SPRED1: variants seen among roughly 807,000 people sequenced by gnomAD.
SPRED1 encodes sprouty-related, EVH1 domain-containing protein 1.
Under a neutral mutation model 52.3 loss-of-function variants are expected in SPRED1, and 18 were observed. The observed-to-expected ratio is 0.34, with a 90% CI of 0.24 to 0.51. The LOEUF is 0.51. Among genes scored for constraint, SPRED1 ranks in the 20% least tolerant of loss-of-function variants. SPRED1 has a pLI of 0.97. For synonymous variants in SPRED1, 155 were observed against 179.7 expected, an observed-to-expected ratio of 0.86 and a Z score of 1.10; for missense variants, 485 against 551.0, an observed-to-expected ratio of 0.88 and a Z score of 1.20.
intron 5 of SPRED1, among the ~76,000 whole-genome samples, chr15:38,349,130 A>G (rs1896200237): frequency 6.6e-6 from 1 of 151,690 alleles, no homozygotes. Context: ...ATAATATTCC[A>G]CTCTATGGAT....
At position 38,252,948 on chromosome 15, in the gene SPRED1, GGGGGAAGAGGCT is replaced by G; in HGVS notation, c.-233_-222del. ...GGATCCCTTGGCTGGGCACTGAGGC[GGGGGAAGAGGCT>G]GGGGTCGCCACGGCGGAGGTTGCTG... On this transcript the variant is annotated 5_prime_UTR_variant, in exon 1 of 7. Coordinates refer to ENST00000299084, the MANE Select transcript of SPRED1 (RefSeq NM_152594.3). 1 of 591,238 alleles carries G rather than the reference GGGGGAAGAGGCT, an allele frequency of 1.7e-6. No individual in the cohort carries two copies. The highest frequency in any genetic ancestry group is 3.0e-6 in the Non-Finnish European group (1 of 332,736). 36.6% of individuals were successfully genotyped at this position (591,238 alleles called of 1,614,324 possible).
Position 38,355,201 on chromosome 15 carries a change from C to A in SPRED1, c.*3537C>A, listed in dbSNP as rs1226425741. 3.3e-5 allele frequency: 5 copies of A among 152,260 alleles called. No homozygotes were observed. The highest frequency in any genetic ancestry group is 7.3e-5 in the Non-Finnish European group (5 of 68,146). 9.4% of individuals were successfully genotyped at this position (152,260 alleles called of 1,614,324 possible). A position where few individuals can be genotyped will look rare whatever the true frequency, so the allele number is the denominator to read the frequency against. On this transcript the variant is annotated 3_prime_UTR_variant, in exon 7 of 7. Coordinates refer to ENST00000299084, the MANE Select transcript of SPRED1 (RefSeq NM_152594.3). ...GAACTCCTGACCTTAGGTGATCCAC[C>A]CACCTCGGCCTCCCAAAGTGCTGGG...
chr15:38,299,142 G>A (rs1420243155), intron 1 of SPRED1, among the ~76,000 whole-genome samples: 1 of 152,152 alleles, frequency 6.6e-6, no homozygotes, highest in African/African-American at 2.4e-5. Flanking sequence ...TAGTAGTTTT[G>A]TAGTCTTTTA....
intron 1 of SPRED1, among the ~76,000 whole-genome samples, chr15:38,293,930 T>A (rs1894978661): frequency 6.6e-6 from 1 of 152,170 alleles, no homozygotes; most frequent in African/African-American, 2.4e-5. Context: ...TCTCCTATAT[T>A]CCCATTATGT....
intron 4 of SPRED1, among the ~76,000 whole-genome samples, chr15:38,335,857 C>G (rs1895903539): frequency 6.6e-6 from 1 of 151,920 alleles, no homozygotes; most frequent in Non-Finnish European, 1.5e-5. Flanking sequence ...AGATCAGTCT[C>G]ATTGAGTTAC....
chr15:38,297,353 A>G (rs1205013293), intron 1 of SPRED1, among the ~76,000 whole-genome samples: 4 of 152,194 alleles, frequency 2.6e-5, no homozygotes, highest in Non-Finnish European at 5.9e-5. Context: ...CTAGCCCACA[A>G]ATGTGGTTAT....
chr15:38,311,667 A>G (rs72711723), intron 2 of SPRED1, among the ~76,000 whole-genome samples: 11,426 of 152,230 alleles, frequency 0.075, 625 homozygotes, highest in Non-Finnish European at 0.12. Context: ...TTTTTAAATA[A>G]TCGGTCAATT....
chr15:38,351,460 T>C lies in SPRED1; in HGVS notation c.1131T>C (p.Tyr377=). The C allele has an allele frequency of 6.2e-7, 1 of 1,614,156 alleles. No individual in the cohort carries two copies. The highest frequency in any genetic ancestry group is 8.5e-7 in the Non-Finnish European group (1 of 1,180,014). ...SCMLCAESML[Y]HCMSDSEGDF... The stretch of plus-strand genomic sequence containing the variant: ...TGCTCTGTGCAGAGAGCATGTTGTA[T>C]CATTGTATGTCAGACTCAGAGGGAG... The change falls in exon 7 of 7, where the codon TAT becomes TAC. Residue 377 remains tyrosine (Y), a synonymous_variant. Transcript: ENST00000299084.
chr15:38,275,281 TG>T (rs965761403), intron 1 of SPRED1, among the ~76,000 whole-genome samples: 1 of 152,242 alleles, frequency 6.6e-6, no homozygotes, highest in African/African-American at 2.4e-5. Context: ...CCGTGAAGTC[TG>T]TTTCTATGTC....
intron 2 of SPRED1, among the ~76,000 whole-genome samples, chr15:38,312,379 A>G (rs1356140971): frequency 6.6e-6 from 1 of 152,166 alleles, no homozygotes; most frequent in African/African-American, 2.4e-5. Flanking sequence ...TGGGGACCCA[A>G]GAAAAAGCTG....
At chr15:38,263,419 A>G (rs1894242232) in intron 1 of SPRED1, among the ~76,000 whole-genome samples, 1 of 152,174 alleles carries the variant, frequency 6.6e-6, no homozygotes, top group East Asian at 1.9e-4. Context: ...GGCCAGTGGA[A>G]AATTTCCCAT....
intron 2 of SPRED1, among the ~76,000 whole-genome samples, chr15:38,308,262 T>C (rs8026366): frequency 6.6e-6 from 1 of 152,064 alleles, no homozygotes; most frequent in African/African-American, 2.4e-5. Context: ...CTGTGTACAC[T>C]CTAACCTGTT....
chr15:38,313,374 T>C (rs1443453976), intron 2 of SPRED1, among the ~76,000 whole-genome samples: 2 of 151,984 alleles, frequency 1.3e-5, no homozygotes, highest in African/African-American at 4.8e-5. Flanking sequence ...TGGGCAGTTA[T>C]TTTATAGAAT....
At chr15:38,282,259 G>A (rs1340427902) in intron 1 of SPRED1, among the ~76,000 whole-genome samples, 1 of 151,972 alleles carries the variant, frequency 6.6e-6, no homozygotes, top group Non-Finnish European at 1.5e-5. Flanking sequence ...TGGATCACTT[G>A]AGGTCAGGAG....
At position 38,351,682 on chromosome 15, in the gene SPRED1, A is replaced by G; in HGVS notation, c.*18A>G. On this transcript the variant is annotated 3_prime_UTR_variant, in exon 7 of 7. Transcript: ENST00000299084. ...CTGGATGAAATGGTCCAGTGCCAAA[A>G]TGAGCTTAAAATCTTTGTTTCCAGG... 1.2e-6 allele frequency: 2 copies of G among 1,608,438 alleles called. No individual in the cohort carries two copies. The highest frequency in any genetic ancestry group is 1.7e-6 in the Non-Finnish European group (2 of 1,179,856).
chr15:38,272,034 A>G (rs1382273196), intron 1 of SPRED1, among the ~76,000 whole-genome samples: 1 of 152,158 alleles, frequency 6.6e-6, no homozygotes, highest in African/African-American at 2.4e-5. Flanking sequence ...GAATTCACTT[A>G]GGATAATGGC....
intron 4 of SPRED1, among the ~76,000 whole-genome samples, chr15:38,339,267 C>T (rs1486023313): frequency 6.6e-6 from 1 of 152,080 alleles, no homozygotes; most frequent in Non-Finnish European, 1.5e-5. Flanking sequence ...TTTATTCATT[C>T]ACTCATTCAA....
chr15:38,346,186 A>G (rs886381761), intron 5 of SPRED1, among the ~76,000 whole-genome samples: 2 of 152,054 alleles, frequency 1.3e-5, no homozygotes, highest in African/African-American at 4.8e-5. Context: ...TCATGGTGGT[A>G]CGCGCCTGTA....
In SPRED1 at chr15:38,351,436, G is replaced by A; in HGVS notation, c.1107G>A (p.Met369Ile). The change falls in exon 7 of 7, where the codon ATG becomes ATA. Residue 369 changes from methionine to isoleucine, a missense_variant. Transcript: ENST00000299084. ...IKRCIYQVSCMLCAESMLYHC... is the reference protein window; with the variant it reads ...IKRCIYQVSCILCAESMLYHC... ...GATGCATATATCAAGTTAGTTGCATGCTCTGTGCAGAGAGCATGTTGTATC... is the reference window on the plus strand; with the variant it reads ...GATGCATATATCAAGTTAGTTGCATACTCTGTGCAGAGAGCATGTTGTATC... 6.2e-7 allele frequency: 1 copy of A among 1,614,146 alleles called. No homozygotes were observed. Among genetic ancestry groups the A allele is most frequent in the Non-Finnish European group, 8.5e-7 (1 of 1,180,010 alleles).
Sources: allele counts gnomAD v4.1 joint callset (sites outside exome capture counted in the v4.1 genomes callset), GRCh38; gene constraint gnomAD v4.1.1; transcripts MANE v1.5; gene names NCBI Gene and HGNC (gene_info 2026-07-23, HGNC 2026-07-21).